Variants in MISP observed in about 807,000 individuals in gnomAD.
MISP encodes the protein mitotic spindle positioning, also known as mitotic interactor and substrate of PLK1.
MISP carries 51 observed loss-of-function variants against 49.3 expected under a neutral mutation model. The observed-to-expected ratio is 1.03, with a 90% confidence interval of 0.83 to 1.31. The LOEUF (loss-of-function observed/expected upper bound fraction) is 1.31. Ranked by LOEUF, MISP falls within the 50% of genes most tolerant of loss-of-function variation. The pLI, the probability that MISP is intolerant of heterozygous loss-of-function variation, is 0.00. For missense variants in MISP, 1,084 were observed against 935.1 expected (o/e 1.16, Z -2.08); for synonymous variants, 444 against 392.6 (o/e 1.13, Z -1.55).
chr19:753,817 C>T (rs2144953037), intron 1 of MISP, among the ~76,000 whole-genome samples: 1 of 150,236 alleles, frequency 6.7e-6, no homozygotes, highest in East Asian at 2.1e-4. Context: ...TTCTCTGTCA[C>T]CCAGGCTGGA....
intron 1 of MISP, among the ~76,000 whole-genome samples, chr19:752,278 G>A (rs971724084): frequency 1.9e-4 from 29 of 152,170 alleles, no homozygotes; most frequent in South Asian, 6.2e-4. Flanking sequence ...CGAGGGCAGC[G>A]CCGCTGCCCA....
In MISP at chr19:757,587, C is replaced by A; in HGVS notation, c.641C>A (p.Ser214Tyr). 1 of 1,612,798 alleles carries A rather than the reference C, an allele frequency of 6.2e-7. No individual in the cohort carries two copies. The highest frequency in any genetic ancestry group is 1.7e-5 in the Admixed American group (1 of 59,866). The change falls in exon 2 of 5, where the codon TCC becomes TAC. Residue 214 changes from serine to tyrosine, a missense_variant. By Grantham distance (144) the Ser-to-Tyr change is moderately radical (BLOSUM62 -2). Coordinates refer to ENST00000215582, the MANE Select transcript of MISP (RefSeq NM_173481.4). ...EQANKGAPHS[S>Y]PARGTPAGTT... ...GCGAACAAGGGGGCCCCTCATAGCT[C>A]CCCGGCCAGGGGGACCCCTGCAGGC...
intron 1 of MISP, among the ~76,000 whole-genome samples, chr19:754,517 C>T (rs1265336873): frequency 6.6e-6 from 1 of 152,090 alleles, no homozygotes; most frequent in Non-Finnish European, 1.5e-5. Flanking sequence ...GTCCCAGCTA[C>T]TCAGGAGGCT....
chr19:751,941 G>A (rs2033465816), intron 1 of MISP, among the ~76,000 whole-genome samples: 1 of 152,188 alleles, frequency 6.6e-6, no homozygotes, highest in East Asian at 1.9e-4. Context: ...GGCTGATGAG[G>A]AAGGAGGTGT....
At chr19:763,017 C>T (rs557805667) in intron 4 of MISP, among the ~76,000 whole-genome samples, 3 of 152,198 alleles carry the variant, frequency 2.0e-5, no homozygotes, top group South Asian at 2.1e-4. Flanking sequence ...TGGACAGGCA[C>T]GGTGGCTCAC....
chr19:752,235 C>G (rs551339878), intron 1 of MISP, among the ~76,000 whole-genome samples: 1 of 152,328 alleles, frequency 6.6e-6, no homozygotes, highest in East Asian at 1.9e-4. Flanking sequence ...CCGGGCCTTG[C>G]AGGGGCCATC....
intron 1 of MISP, among the ~76,000 whole-genome samples, chr19:752,261 C>T (rs60490842): frequency 9.2e-5 from 14 of 152,294 alleles, no homozygotes; most frequent in African/African-American, 3.1e-4. Flanking sequence ...TCCTGGGGCT[C>T]TTCCCCCGAG....
Position 761,638 on chromosome 19 carries a change from A to C in MISP, c.1925A>C (p.Asn642Thr). ...RKKEQWYAGI[N>T]PSDGINSEVL... ...CCTTTCCTGTAGTACGCTGGCATCA[A>C]CCCCTCGGACGGTATCAACTCAGAG... is the stretch of plus-strand genomic sequence containing the variant. Residue 642 changes from asparagine to threonine, a missense_variant, in exon 4 of 5, where the codon AAC becomes ACC. Physicochemically the swap from Asn to Thr is moderately conservative, Grantham distance 65. Coordinates refer to ENST00000215582, the MANE Select transcript of MISP (RefSeq NM_173481.4). 1 of 1,613,922 alleles carries C rather than the reference A, an allele frequency of 6.2e-7. No individual in the cohort carries two copies. Among genetic ancestry groups the C allele is most frequent in the Non-Finnish European group, 8.5e-7 (1 of 1,179,976 alleles).
chr19:750,685 G>C (rs1215962023), upstream of MISP, among the ~76,000 whole-genome samples: 2 of 152,194 alleles, frequency 1.3e-5, no homozygotes, highest in African/African-American at 4.8e-5. Context: ...TGCAAGAAGG[G>C]GGCCATCTAG....
chr19:755,041 G>A (rs566557906), intron 1 of MISP, among the ~76,000 whole-genome samples: 3 of 150,466 alleles, frequency 2.0e-5, no homozygotes, highest in Admixed American at 1.3e-4. Flanking sequence ...GGGTGGAAGA[G>A]GAGGGTCTGG....
rs78455638 is a variant in MISP, at chr19:757,509, G to C, written c.563G>C (p.Arg188Thr). 8.1e-4 allele frequency: 1,307 copies of C among 1,606,852 alleles called. 20 individuals carry two copies. The Admixed American group carries it at 0.013, about 16-fold the overall frequency. The part of the protein sequence containing the change: ...STPLEENVVD[R>T]EQIDFLAARQ... ...CCCCTGGAGGAGAACGTGGTTGACA[G>C]GGAGCAGATTGACTTCCTGGCAGCG... Residue 188 changes from arginine to threonine, a missense_variant, in exon 2 of 5, where the codon AGG (arginine) becomes ACG (threonine). Physicochemically the swap from Arg to Thr is moderately conservative, Grantham distance 71. Coordinates refer to ENST00000215582, the MANE Select transcript of MISP (RefSeq NM_173481.4).
chr19:751,993 A>G (rs1314779866), intron 1 of MISP, among the ~76,000 whole-genome samples: 1 of 152,132 alleles, frequency 6.6e-6, no homozygotes, highest in Non-Finnish European at 1.5e-5. Context: ...TGGTATCAAC[A>G]GAGTTCAGGG....
At chr19:748,655 C>G (rs1295947692), upstream of MISP, among the ~76,000 whole-genome samples, 2 of 152,208 alleles carry the variant, frequency 1.3e-5, no homozygotes, top group Admixed American at 6.5e-5. Flanking sequence ...GACAGAGGGT[C>G]CCCTGGACAC....
intron 4 of MISP, among the ~76,000 whole-genome samples, chr19:763,232 G>A (rs975939092): frequency 3.9e-5 from 6 of 152,142 alleles, no homozygotes; most frequent in East Asian, 1.9e-4. Flanking sequence ...AGCCAAGATC[G>A]CGCCACTGCA....
intron 4 of MISP, among the ~76,000 whole-genome samples, chr19:763,094 G>A (rs923572747): frequency 3.3e-5 from 5 of 152,106 alleles, no homozygotes; most frequent in African/African-American, 1.2e-4. Flanking sequence ...TCGAGACCAT[G>A]GTGAAACCCC....
At chr19:760,296 A>T (rs557537362) in intron 3 of MISP, 1 of 401,644 alleles carries the variant, frequency 2.5e-6, no homozygotes, top group African/African-American at 2.1e-5. Context: ...AGGATCAAAG[A>T]CCAAAGGACC....
At position 757,135 on chromosome 19, in the gene MISP, G is replaced by T; in HGVS notation, c.189G>T (p.Arg63Ser). 1 of 1,613,302 alleles carries T rather than the reference G, an allele frequency of 6.2e-7. No homozygotes were observed. The highest frequency in any genetic ancestry group is 8.5e-7 in the Non-Finnish European group (1 of 1,179,886). Residue 63 changes from arginine to serine, a missense_variant, in exon 2 of 5, where the codon AGG (arginine) becomes AGT (serine). By Grantham distance (110) the Arg-to-Ser change is moderately radical. Transcript: ENST00000215582. ...TDHRAQQGVQRQGVSYSVHAY... is the reference protein window; with the variant it reads ...TDHRAQQGVQSQGVSYSVHAY... ...ACAGGGCCCAGCAGGGCGTGCAGAG[G>T]CAGGGGGTGTCCTACAGCGTGCATG...
intron 3 of MISP, chr19:760,325 A>C (rs1215864577): frequency 3.8e-6 from 1 of 264,344 alleles, no homozygotes; most frequent in Non-Finnish European, 7.1e-6. Context: ...TTGGAGGAGG[A>C]GGACACTGGC....
intron 1 of MISP, among the ~76,000 whole-genome samples, chr19:753,670 G>A (rs2033497872): frequency 6.6e-6 from 1 of 151,958 alleles, no homozygotes; most frequent in South Asian, 2.1e-4. Context: ...ACTGTGCCTG[G>A]CCGACCCTGT....
Sources: allele counts gnomAD v4.1 joint callset (sites outside exome capture counted in the v4.1 genomes callset), GRCh38; gene constraint gnomAD v4.1.1; transcripts MANE v1.5; gene names NCBI Gene and HGNC (gene_info 2026-07-23, HGNC 2026-07-21).